The following ACYP2 variants were observed in gnomAD, a reference collection of about 807,000 sequenced individuals.
ACYP2 encodes acylphosphatase 2, also known as acylphosphatase-2.
ACYP2 carries 12 observed loss-of-function variants against 11.2 expected under a neutral mutation model. The ratio of observed to expected loss-of-function variants is 1.08; its 90% CI spans 0.69 to 1.74. The LOEUF (loss-of-function observed/expected upper bound fraction) is 1.74, where lower values mean the gene tolerates loss of function less well. Ranked by LOEUF, ACYP2 falls within the 40% of genes most tolerant of loss-of-function variation. The pLI is 0.00. For missense variants in ACYP2, 134 were observed against 101.9 expected (o/e 1.31, Z -1.35); for synonymous variants, 43 against 32.2 (o/e 1.33, Z -1.13).
chr2:54,044,401 C>A (rs1349565811), intron 2 of ACYP2, among the ~76,000 whole-genome samples: 1 of 151,554 alleles, frequency 6.6e-6, no homozygotes, highest in Non-Finnish European at 1.5e-5. Flanking sequence ...TCAAGACTAG[C>A]CTGGGCAATA....
intron 6 of ACYP2, among the ~76,000 whole-genome samples, chr2:54,266,590 C>T (rs1242393399): frequency 2.1e-3 from 109 of 52,224 alleles, no homozygotes; most frequent in African/African-American, 4.2e-3. Context: ...ATCTATCTAT[C>T]TTTTTTTTTT....
intron 4 of ACYP2, among the ~76,000 whole-genome samples, chr2:54,083,225 G>A (rs1376346782): frequency 1.3e-5 from 2 of 152,206 alleles, no homozygotes; most frequent in Non-Finnish European, 2.9e-5. Context: ...ATGTTAGTCT[G>A]CTGCCACCCG....
intron 6 of ACYP2, among the ~76,000 whole-genome samples, chr2:54,170,119 G>A (rs1363621139): frequency 6.6e-6 from 1 of 152,036 alleles, no homozygotes; most frequent in East Asian, 1.9e-4. Context: ...GTGTCCTAAG[G>A]TGCCCTCAAG....
intron 2 of ACYP2, among the ~76,000 whole-genome samples, chr2:54,006,460 T>C (rs1286674171): frequency 3.9e-5 from 6 of 151,936 alleles, no homozygotes; most frequent in Admixed American, 3.9e-4. Flanking sequence ...AGTTTTTTGA[T>C]TTTTTGTAGA....
intron 6 of ACYP2, among the ~76,000 whole-genome samples, chr2:54,264,279 A>T (rs1687917316): frequency 6.6e-6 from 1 of 152,140 alleles, no homozygotes; most frequent in Non-Finnish European, 1.5e-5. Context: ...ATGTGTTGTG[A>T]AGAGTGAAAG....
intron 6 of ACYP2, among the ~76,000 whole-genome samples, chr2:54,186,498 A>C (rs1209670912): frequency 6.6e-6 from 1 of 152,126 alleles, no homozygotes; most frequent in Non-Finnish European, 1.5e-5. Flanking sequence ...TATAAATAGC[A>C]TTTTGTTGTT....
intron 6 of ACYP2, among the ~76,000 whole-genome samples, chr2:54,201,260 C>T (rs936045641): frequency 2.8e-4 from 43 of 152,252 alleles, no homozygotes; most frequent in South Asian, 1.5e-3. Flanking sequence ...CGCCCGCCAC[C>T]ACGCCCGACT....
chr2:54,299,889 C>G (rs570532406), intron 6 of ACYP2, among the ~76,000 whole-genome samples: 7 of 152,220 alleles, frequency 4.6e-5, no homozygotes, highest in Non-Finnish European at 4.4e-5. Flanking sequence ...CCCTGGCCAT[C>G]TAGACTAACT....
At chr2:54,048,162 A>C (rs1424744314) in intron 2 of ACYP2, among the ~76,000 whole-genome samples, 2 of 152,178 alleles carry the variant, frequency 1.3e-5, no homozygotes, top group Non-Finnish European at 2.9e-5. Flanking sequence ...GCAGTGGCTC[A>C]TGTCTGTAAT....
At chr2:54,288,051 C>T (rs1558670159) in intron 6 of ACYP2, among the ~76,000 whole-genome samples, 1 of 151,904 alleles carries the variant, frequency 6.6e-6, no homozygotes, top group Non-Finnish European at 1.5e-5. Context: ...ACTTGCCTGC[C>T]ACTCCTGTAG....
At chr2:54,086,630 A>G (rs1677961443) in intron 4 of ACYP2, among the ~76,000 whole-genome samples, 1 of 152,218 alleles carries the variant, frequency 6.6e-6, no homozygotes, top group South Asian at 2.1e-4. Flanking sequence ...TACATCAAGG[A>G]GCTGGAACTA....
Position 54,302,833 on chromosome 2 carries a change from C to G in ACYP2, c.405-1855C>G, listed in dbSNP as rs544570810. ...CCTTCACTCCTCTCCTTTTCTCACA[C>G]CCACATTCAATCTGTCAGCAAATCT... On this transcript the variant is annotated intron_variant, in intron 6 of 6. Coordinates refer to ENST00000607452, the MANE Select transcript of ACYP2 (RefSeq NM_001320586.2). Among the ~76,000 whole-genome samples, 9 of 152,264 alleles carry G rather than the reference C, an allele frequency of 5.9e-5. No homozygotes were observed. In the East Asian group the frequency reaches 1.7e-3, roughly 29 times the overall value.
In ACYP2 at chr2:53,983,154, G is replaced by A. The variant is rs547437681; in HGVS notation, c.62+9344G>A. ...GCAAGGCCTAGACCAAATTCTTTGA[G>A]GAAGCAACATTTGATGAATGAAGAC... On this transcript the variant is annotated intron_variant, in intron 2 of 6. Coordinates refer to ENST00000607452, the MANE Select transcript of ACYP2 (RefSeq NM_001320586.2). Among the ~76,000 whole-genome samples the A allele has an allele frequency of 2.0e-5, 3 of 152,196 alleles. No homozygotes were observed. The East Asian group carries it at 5.8e-4, about 29-fold the overall frequency.
intron 6 of ACYP2, among the ~76,000 whole-genome samples, chr2:54,201,652 T>TTCTTTCTTTCTTTC (rs1684819342): frequency 1.1e-5 from 1 of 93,426 alleles, no homozygotes; most frequent in Admixed American, 1.0e-4. Flanking sequence ...CTTTCTTTCT[T>TTCTTTCTTTCTTTC]TCTTTCTTTC....
chr2:54,283,197 T>A (rs149585535), intron 6 of ACYP2, among the ~76,000 whole-genome samples: 2 of 152,350 alleles, frequency 1.3e-5, no homozygotes, highest in African/African-American at 4.8e-5. Flanking sequence ...CTGTTAGATA[T>A]GAATATCTTG....
At chr2:54,135,361 T>A in intron 4 of ACYP2, 92 bp from the exon 2 acceptor site, 1 of 1,182,980 alleles carries the variant, frequency 8.5e-7, no homozygotes, top group Non-Finnish European at 1.2e-6. Flanking sequence ...CAAGGATAAA[T>A]GGGGACCACC....
At chr2:54,302,307 G>GA (rs1689757416) in intron 6 of ACYP2, among the ~76,000 whole-genome samples, 2 of 152,086 alleles carry the variant, frequency 1.3e-5, no homozygotes, top group Middle Eastern at 3.2e-3. Context: ...TAAACACAAT[G>GA]GCCAGTTCTC....
intron 4 of ACYP2, among the ~76,000 whole-genome samples, chr2:54,132,351 C>T (rs1262381935): frequency 2.6e-5 from 4 of 152,142 alleles, no homozygotes; most frequent in Admixed American, 6.5e-5. Context: ...TCTTTCAGAT[C>T]AATATGTCCC....
At chr2:54,051,108 C>T in intron 3 of ACYP2, 1 of 621,614 alleles carries the variant, frequency 1.6e-6, no homozygotes, top group Non-Finnish European at 2.9e-6. Flanking sequence ...ATGGCTCTCA[C>T]AGCCATTGCA....
Sources: allele counts gnomAD v4.1 joint callset (sites outside exome capture counted in the v4.1 genomes callset), GRCh38; gene constraint gnomAD v4.1.1; transcripts MANE v1.5; gene names NCBI Gene and HGNC (gene_info 2026-07-23, HGNC 2026-07-21).